The following AK5 variants were observed in gnomAD, a reference collection of about 807,000 sequenced individuals.
AK5 encodes adenylate kinase 5, also known as adenylate kinase isoenzyme 5.
AK5 carries 27 observed loss-of-function variants against 69.5 expected under a neutral mutation model. That is an observed-to-expected ratio of 0.39 (90% confidence interval 0.29 to 0.54). The LOEUF (loss-of-function observed/expected upper bound fraction) is 0.54. Ranked by LOEUF, AK5 falls within the 20% of genes least tolerant of loss-of-function variation. The pLI is 0.71. For missense variants in AK5, 531 were observed against 700.4 expected, an observed-to-expected ratio of 0.76 and a Z score of 2.73; for synonymous variants, 260 against 244.4, an observed-to-expected ratio of 1.06 and a Z score of -0.60.
chr1:77,367,589 T>TTATATGTGTTA lies in AK5; in HGVS notation c.891+27026_891+27027insGTGTTATATAT, dbSNP rs1553139774. ...TATATATATATATATAATATATATGTTATATATGTAATATATATGTAATAT... is the reference window on the plus strand; with the variant it reads ...TATATATATATATATAATATATATGTTATATGTGTTATATATATGTAATATATATGTAATAT... On this transcript the variant is annotated intron_variant, in intron 6 of 13. Coordinates refer to ENST00000354567, the MANE Select transcript of AK5 (RefSeq NM_174858.3). Among the ~76,000 whole-genome samples the TTATATGTGTTA allele has an allele frequency of 2.3e-4, 10 of 43,592 alleles. 4 individuals carry two copies. Among genetic ancestry groups the TTATATGTGTTA allele is most frequent in the Admixed American group, 7.8e-4 (2 of 2,550 alleles). 28.6% of individuals were successfully genotyped at this position (43,592 alleles called of 152,430 possible).
chr1:77,486,491 C>G (rs188326344), intron 10 of AK5, 139 bp downstream of exon 10: 53 of 516,326 alleles, frequency 1.0e-4, no homozygotes, highest in South Asian at 8.1e-4. Flanking sequence ...GTCAGGAGAT[C>G]GAGACCATCC....
intron 2 of AK5, among the ~76,000 whole-genome samples, chr1:77,287,725 G>A (rs1658439852): frequency 6.6e-6 from 1 of 152,220 alleles, no homozygotes; most frequent in Non-Finnish European, 1.5e-5. Context: ...GGTGGAAGAA[G>A]ATTTATAGAC....
At chr1:77,536,910 A>C (rs1316091615) in intron 13 of AK5, among the ~76,000 whole-genome samples, 1 of 152,220 alleles carries the variant, frequency 6.6e-6, no homozygotes, top group African/African-American at 2.4e-5. Flanking sequence ...CCTAGTGATC[A>C]TGAGCTCTCT....
chr1:77,542,013 C>T (rs1259330770), intron 13 of AK5, among the ~76,000 whole-genome samples: 2 of 152,172 alleles, frequency 1.3e-5, no homozygotes, highest in East Asian at 1.9e-4. Context: ...CAGCAGTCAA[C>T]GTGACAAAGC....
At chr1:77,508,846 G>A (rs188342292) in intron 10 of AK5, among the ~76,000 whole-genome samples, 239 of 149,390 alleles carry the variant, frequency 1.6e-3, no homozygotes, top group African/African-American at 5.6e-3. Context: ...CAGCCTTGGC[G>A]GCAGAGCGAG....
intron 5 of AK5, among the ~76,000 whole-genome samples, chr1:77,305,099 A>G (rs886748732): frequency 6.6e-6 from 1 of 152,170 alleles, no homozygotes; most frequent in Non-Finnish European, 1.5e-5. Context: ...GATGTTGAAC[A>G]CTTTTTCACA....
chr1:77,375,814 T>C (rs1379365880), intron 6 of AK5, among the ~76,000 whole-genome samples: 1 of 152,144 alleles, frequency 6.6e-6, no homozygotes, highest in Non-Finnish European at 1.5e-5. Flanking sequence ...GGATCATGGT[T>C]TGGAATTTGG....
intron 6 of AK5, among the ~76,000 whole-genome samples, chr1:77,410,316 C>T (rs1649953661): frequency 6.6e-6 from 1 of 151,856 alleles, no homozygotes; most frequent in Non-Finnish European, 1.5e-5. Context: ...CTCAGTCTGT[C>T]CCCCAGGCTG....
intron 6 of AK5, among the ~76,000 whole-genome samples, chr1:77,407,520 G>C (rs1420692505): frequency 6.6e-6 from 1 of 152,200 alleles, no homozygotes; most frequent in African/African-American, 2.4e-5. Context: ...GGATTCCAAA[G>C]GGGCATGAGG....
chr1:77,491,760 C>T (rs542346966), intron 10 of AK5, among the ~76,000 whole-genome samples: 1 of 152,176 alleles, frequency 6.6e-6, no homozygotes, highest in African/African-American at 2.4e-5. Flanking sequence ...GCAGTTAACA[C>T]GTACCAGACA....
At position 77,417,630 on chromosome 1, in the gene AK5, TA is replaced by T; in HGVS notation, c.983-7del. 1 of 1,584,796 alleles carries T rather than the reference TA, an allele frequency of 6.3e-7. No homozygotes were observed. Among genetic ancestry groups the T allele is most frequent in the Non-Finnish European group, 8.7e-7 (1 of 1,154,804 alleles). On this transcript the variant is annotated splice_polypyrimidine_tract_variant and splice_region_variant and intron_variant, in intron 7 of 13. Transcript: ENST00000354567. ...CTCCATCCACTTATCTTTTCTTTCCTAATCTTAGGTTCAAGTGACCTTGATC... is the reference window on the plus strand; with the variant it reads ...CTCCATCCACTTATCTTTTCTTTCCTATCTTAGGTTCAAGTGACCTTGATC...
At position 77,429,628 on chromosome 1, in the gene AK5, C is replaced by T. The variant is rs1020608886; in HGVS notation, c.1059+11913C>T. ...TACTTGGGAGAATAAGTGCATGGTG[C>T]TGTGTGTAGATGTGGTTGGTGAGGT... On this transcript the variant is annotated intron_variant, in intron 8 of 13. Transcript: ENST00000354567. Among the ~76,000 whole-genome samples the T allele has an allele frequency of 3.3e-5, 5 of 152,120 alleles. 1 individual carries two copies. Among genetic ancestry groups the T allele is most frequent in the Admixed American group, 6.5e-5 (1 of 15,268 alleles).
chr1:77,438,676 A>G (rs1206159420), intron 8 of AK5, among the ~76,000 whole-genome samples: 1 of 152,192 alleles, frequency 6.6e-6, no homozygotes, highest in East Asian at 1.9e-4. Flanking sequence ...TGAAACCAAA[A>G]TTAGAGTGCT....
intron 10 of AK5, among the ~76,000 whole-genome samples, chr1:77,488,232 C>A (rs1166043276): frequency 1.3e-5 from 2 of 152,180 alleles, no homozygotes; most frequent in Non-Finnish European, 2.9e-5. Context: ...TCTTCCCACA[C>A]TTATTTTACG....
At chr1:77,486,466 C>CGG (rs1246338730) in intron 10 of AK5, 114 bp downstream of exon 10, 1 of 646,668 alleles carries the variant, frequency 1.5e-6, no homozygotes, top group African/African-American at 1.9e-5. Context: ...GAGGCCAAGG[C>CGG]GGGCAGATCA....
chr1:77,493,051 G>A (rs1052908570), intron 10 of AK5, among the ~76,000 whole-genome samples: 4 of 152,202 alleles, frequency 2.6e-5, no homozygotes, highest in African/African-American at 7.2e-5. Context: ...CTAGGGGCAG[G>A]TGTGATGGTT....
chr1:77,292,697 A>G (rs1300235355), intron 2 of AK5, among the ~76,000 whole-genome samples: 1 of 152,084 alleles, frequency 6.6e-6, no homozygotes, highest in Non-Finnish European at 1.5e-5. Context: ...TGTCATTTGA[A>G]TTTCTGACTC....
intron 13 of AK5, among the ~76,000 whole-genome samples, chr1:77,543,803 C>G (rs896766037): frequency 2.0e-5 from 3 of 152,074 alleles, no homozygotes; most frequent in Admixed American, 6.6e-5. Context: ...TGGCCAGATT[C>G]CATGCGAGGT....
At chr1:77,423,580 C>T (rs565548310) in intron 8 of AK5, among the ~76,000 whole-genome samples, 119 of 152,082 alleles carry the variant, frequency 7.8e-4, no homozygotes, top group African/African-American at 2.8e-3. Flanking sequence ...GAGAGACAAT[C>T]AGAGAATCAC....
Sources: gnomAD v4.1 joint callset for allele counts (sites outside exome capture counted in the v4.1 genomes callset) on GRCh38, gnomAD v4.1.1 for gene constraint, MANE v1.5 for transcripts, NCBI Gene and HGNC (gene_info 2026-07-23, HGNC 2026-07-21) for gene names.